The following WDFY3 variants were observed in gnomAD, a reference collection of about 807,000 sequenced individuals.
WDFY3 encodes the protein WD repeat and FYVE domain-containing protein 3.
WDFY3 carries 66 observed loss-of-function variants against 409.6 expected under a neutral mutation model. The ratio of observed to expected loss-of-function variants is 0.16; its 90% CI spans 0.13 to 0.20. The LOEUF is 0.20. Ranked by LOEUF, WDFY3 falls within the 10% of genes least tolerant of loss-of-function variation. The pLI, the probability that WDFY3 is intolerant of heterozygous loss-of-function variation, is 1.00. For missense variants in WDFY3, 3,031 were observed against 4,298.1 expected (o/e 0.71, Z 8.24); for synonymous variants, 1,521 against 1,537.1 (o/e 0.99, Z 0.25).
intron 3 of WDFY3, among the ~76,000 whole-genome samples, chr4:84,876,122 C>T (rs368784950): frequency 6.6e-6 from 1 of 152,192 alleles, no homozygotes; most frequent in African/African-American, 2.4e-5. Context: ...GGCTTGTTTA[C>T]ACCAGCATCA....
chr4:84,689,134 A>C (rs1346883637), intron 61 of WDFY3, among the ~76,000 whole-genome samples: 2 of 152,182 alleles, frequency 1.3e-5, no homozygotes, highest in Non-Finnish European at 2.9e-5. Flanking sequence ...CTTGGGTGTA[A>C]ATCAGTGTAA....
chr4:84,716,369 G>A (rs1400471409), intron 49 of WDFY3, among the ~76,000 whole-genome samples: 1 of 150,140 alleles, frequency 6.7e-6, no homozygotes, highest in Non-Finnish European at 1.5e-5. Flanking sequence ...AACCAGGGAG[G>A]TGGAGCATGC....
intron 67 of WDFY3, 65 bp from the exon 68 acceptor site, chr4:84,673,056 CATT>C: frequency 1.3e-6 from 2 of 1,597,738 alleles, no homozygotes; most frequent in Non-Finnish European, 1.7e-6. Context: ...GCACCGGAAA[CATT>C]AATAATCGAA....
chr4:84,867,703 A>G (rs995061220), intron 3 of WDFY3, among the ~76,000 whole-genome samples: 6 of 152,352 alleles, frequency 3.9e-5, no homozygotes, highest in Non-Finnish European at 7.3e-5. Flanking sequence ...CTAAATTTTT[A>G]AAATATATTT....
rs148593056 is a variant in WDFY3, at chr4:84,706,294, C to T, written c.8218-783G>A. Among the ~76,000 whole-genome samples the T allele has an allele frequency of 5.1e-4, 78 of 152,230 alleles. 1 individual carries two copies. The East Asian group carries it at 0.015, about 29-fold the overall frequency. ...AAAATCTTGGGCAGGAGAAACTGAT[C>T]TACATTTATGAATGTAAGTCAAGTT... On this transcript the variant is annotated intron_variant, in intron 53 of 67. Transcript: ENST00000295888.
At chr4:84,904,036 T>TTTA (rs1328881854) in intron 2 of WDFY3, among the ~76,000 whole-genome samples, 1 of 152,070 alleles carries the variant, frequency 6.6e-6, no homozygotes, top group Non-Finnish European at 1.5e-5. Flanking sequence ...TTGGAAGGTG[T>TTTA]TTAGGTCATG....
chr4:84,749,936 GA>G (rs1740213011), intron 36 of WDFY3, among the ~76,000 whole-genome samples: 1 of 151,952 alleles, frequency 6.6e-6, no homozygotes, highest in Non-Finnish European at 1.5e-5. Flanking sequence ...AAAAAATATA[GA>G]AAACAAAAAT....
intron 30 of WDFY3, among the ~76,000 whole-genome samples, chr4:84,770,318 G>A (rs1001423927): frequency 1.2e-4 from 18 of 152,056 alleles, no homozygotes; most frequent in Admixed American, 9.8e-4. Flanking sequence ...GTGAGCCACC[G>A]CGCCCGGCCG....
intron 30 of WDFY3, among the ~76,000 whole-genome samples, chr4:84,771,427 C>A (rs1048643952): frequency 6.6e-6 from 1 of 152,174 alleles, no homozygotes; most frequent in Non-Finnish European, 1.5e-5. Context: ...TGTAAGCCAC[C>A]ATGTTCAGCC....
intron 36 of WDFY3, among the ~76,000 whole-genome samples, chr4:84,746,592 C>G (rs1316259246): frequency 6.6e-6 from 1 of 152,020 alleles, no homozygotes; most frequent in Non-Finnish European, 1.5e-5. Flanking sequence ...ATGATGAGGA[C>G]CCAGAATTTA....
intron 30 of WDFY3, among the ~76,000 whole-genome samples, chr4:84,769,100 A>C (rs1744185071): frequency 6.6e-6 from 1 of 152,222 alleles, no homozygotes; most frequent in South Asian, 2.1e-4. Flanking sequence ...GAATTACTGC[A>C]ATCTCATGAT....
chr4:84,711,845 C>T (rs1159369590), intron 51 of WDFY3, among the ~76,000 whole-genome samples: 5 of 147,798 alleles, frequency 3.4e-5, no homozygotes, highest in Admixed American at 6.7e-5. Flanking sequence ...AGCAAGACTC[C>T]GTCTCAAAAA....
chr4:84,856,831 T>C (rs895427928), intron 4 of WDFY3, among the ~76,000 whole-genome samples: 1 of 152,122 alleles, frequency 6.6e-6, no homozygotes. Context: ...TTAGCAATCA[T>C]GGTAAGAACT....
intron 30 of WDFY3, among the ~76,000 whole-genome samples, chr4:84,767,432 G>A (rs538692609): frequency 5.9e-5 from 9 of 152,108 alleles, no homozygotes; most frequent in Non-Finnish European, 1.0e-4. Context: ...ATGTTCAAGC[G>A]AAAGAAAGAC....
intron 12 of WDFY3, among the ~76,000 whole-genome samples, chr4:84,818,919 G>C (rs748475704): frequency 6.6e-6 from 1 of 152,046 alleles, no homozygotes; most frequent in Non-Finnish European, 1.5e-5. Flanking sequence ...CTTCTAGGTC[G>C]TCTCAAGGAA....
At chr4:84,857,741 T>C (rs1759972203) in intron 4 of WDFY3, among the ~76,000 whole-genome samples, 1 of 152,134 alleles carries the variant, frequency 6.6e-6, no homozygotes. Flanking sequence ...CTCCTCCCTC[T>C]ATCATTCTCA....
chr4:84,828,091 G>GAGGGAGGA (rs1435578543), intron 9 of WDFY3, among the ~76,000 whole-genome samples: 2 of 140,486 alleles, frequency 1.4e-5, no homozygotes, highest in Admixed American at 7.0e-5. Flanking sequence ...GGGAGGGAGG[G>GAGGGAGGA]AGGGAGGAAG....
intron 35 of WDFY3, among the ~76,000 whole-genome samples, chr4:84,752,921 T>A (rs181533058): frequency 6.6e-6 from 1 of 152,208 alleles, no homozygotes; most frequent in Non-Finnish European, 1.5e-5. Flanking sequence ...GATAAGCCCC[T>A]GCTATATGGT....
At chr4:84,729,401 C>T (rs1736202053) in intron 44 of WDFY3, among the ~76,000 whole-genome samples, 1 of 151,706 alleles carries the variant, frequency 6.6e-6, no homozygotes, top group Non-Finnish European at 1.5e-5. Flanking sequence ...GAAAATTACT[C>T]CCCAAGGAAG....
Sources: gnomAD v4.1 joint callset for allele counts (sites outside exome capture counted in the v4.1 genomes callset) on GRCh38, gnomAD v4.1.1 for gene constraint, MANE v1.5 for transcripts, NCBI Gene and HGNC (gene_info 2026-07-23, HGNC 2026-07-21) for gene names.